The following DCC variants were observed in gnomAD, a reference collection of about 807,000 sequenced individuals.
DCC encodes the protein netrin receptor DCC.
A neutral mutation model predicts 172.5 loss-of-function variants in DCC; 58 were observed. The observed-to-expected ratio is 0.34, with a 90% confidence interval of 0.27 to 0.42. DCC has a LOEUF of 0.42. Among genes scored for constraint, DCC ranks in the 10% least tolerant of loss-of-function variants. The pLI is 1.00. For synonymous variants in DCC, 709 were observed against 644.5 expected, an observed-to-expected ratio of 1.10 and a Z score of -1.52; for missense variants, 1,740 against 1,791.0, an observed-to-expected ratio of 0.97 and a Z score of 0.51.
intron 9 of DCC, among the ~76,000 whole-genome samples, chr18:53,200,244 G>C (rs1345149133): frequency 6.6e-6 from 1 of 152,082 alleles, no homozygotes; most frequent in Non-Finnish European, 1.5e-5. Flanking sequence ...GTGCCCACAG[G>C]CTCACATGCA....
At chr18:53,167,017 A>C (rs930652672) in intron 8 of DCC, among the ~76,000 whole-genome samples, 5 of 152,164 alleles carry the variant, frequency 3.3e-5, no homozygotes, top group Non-Finnish European at 7.3e-5. Flanking sequence ...ATAATGAATG[A>C]AAGTAGAAGA....
intron 1 of DCC, among the ~76,000 whole-genome samples, chr18:52,449,577 G>A (rs1382098067): frequency 6.6e-6 from 1 of 152,136 alleles, no homozygotes; most frequent in African/African-American, 2.4e-5. Context: ...ATGACACTTG[G>A]GCTGGCAAAA....
intron 12 of DCC, among the ~76,000 whole-genome samples, chr18:53,235,195 G>T (rs2064530931): frequency 6.6e-6 from 1 of 152,078 alleles, no homozygotes; most frequent in Non-Finnish European, 1.5e-5. Flanking sequence ...AAATGCAATT[G>T]CTATTTTTTA....
intron 1 of DCC, among the ~76,000 whole-genome samples, chr18:52,571,320 A>C (rs1250180542): frequency 6.6e-6 from 1 of 152,004 alleles, no homozygotes; most frequent in African/African-American, 2.4e-5. Context: ...GGGTGGGGGA[A>C]TCACCCTATA....
chr18:53,135,326 C>T (rs2043723893), intron 7 of DCC, among the ~76,000 whole-genome samples: 1 of 152,000 alleles, frequency 6.6e-6, no homozygotes, highest in African/African-American at 2.4e-5. Context: ...GAAATAAGAG[C>T]ATGGGAAATC....
chr18:52,538,814 T>A (rs1192692856), intron 1 of DCC, among the ~76,000 whole-genome samples: 2 of 152,204 alleles, frequency 1.3e-5, no homozygotes, highest in Admixed American at 6.5e-5. Flanking sequence ...GCAGCAGAAG[T>A]TATCTGTTCT....
intron 1 of DCC, among the ~76,000 whole-genome samples, chr18:52,722,676 C>A (rs2036490781): frequency 6.6e-6 from 1 of 152,132 alleles, no homozygotes; most frequent in Admixed American, 6.6e-5. Flanking sequence ...TCCATTTCTT[C>A]TTTTTGAGGA....
At chr18:53,007,662 C>A in intron 5 of DCC, among the ~76,000 whole-genome samples, 1 of 152,010 alleles carries the variant, frequency 6.6e-6, no homozygotes, top group South Asian at 2.1e-4. Flanking sequence ...ATTACACAAA[C>A]TACACATTTA....
At chr18:53,468,074 A>G in intron 25 of DCC, 64 bp downstream of exon 25, 1 of 862,434 alleles carries the variant, frequency 1.2e-6, no homozygotes, top group Non-Finnish European at 2.0e-6. Flanking sequence ...TTTTCTATAA[A>G]AAATCAAATT....
intron 1 of DCC, among the ~76,000 whole-genome samples, chr18:52,364,825 T>C (rs1280838784): frequency 4.6e-5 from 7 of 152,176 alleles, no homozygotes; most frequent in Non-Finnish European, 1.0e-4. Context: ...TCAGTGGCCA[T>C]TGTCTTTCAT....
intron 1 of DCC, among the ~76,000 whole-genome samples, chr18:52,592,210 T>C (rs2033815565): frequency 6.6e-6 from 1 of 152,220 alleles, no homozygotes; most frequent in African/African-American, 2.4e-5. Context: ...AGTTCACATC[T>C]GGAATTGTAA....
intron 5 of DCC, among the ~76,000 whole-genome samples, chr18:53,055,100 T>C (rs1049279203): frequency 2.6e-5 from 4 of 152,118 alleles, no homozygotes; most frequent in African/African-American, 7.2e-5. Context: ...ACTACACTTA[T>C]GCCTGGTCAT....
At chr18:53,150,919 T>G (rs1039115985) in intron 7 of DCC, among the ~76,000 whole-genome samples, 1 of 152,268 alleles carries the variant, frequency 6.6e-6, no homozygotes, top group South Asian at 2.1e-4. Flanking sequence ...CTTCAGGCCC[T>G]GTCATGCTGA....
At chr18:52,399,377 T>A (rs945674540) in intron 1 of DCC, among the ~76,000 whole-genome samples, 1 of 151,900 alleles carries the variant, frequency 6.6e-6, no homozygotes, top group Non-Finnish European at 1.5e-5. Context: ...GCCACCATTA[T>A]AAGCAGATAA....
intron 14 of DCC, among the ~76,000 whole-genome samples, chr18:53,338,528 G>C (rs1420835713): frequency 1.3e-5 from 2 of 152,210 alleles, no homozygotes; most frequent in Non-Finnish European, 2.9e-5. Context: ...TTGAACCCAG[G>C]AGGCGGAGGT....
At chr18:52,906,366 C>T (rs1438236207) in intron 3 of DCC, 38 bp downstream of exon 3, 4 of 1,606,248 alleles carry the variant, frequency 2.5e-6, no homozygotes, top group Non-Finnish European at 2.6e-6. Context: ...GAATGATATT[C>T]TCTGGAATAA....
At chr18:52,368,547 T>C (rs1005949012) in intron 1 of DCC, among the ~76,000 whole-genome samples, 1 of 152,174 alleles carries the variant, frequency 6.6e-6, no homozygotes, top group African/African-American at 2.4e-5. Context: ...ACACAGCGGG[T>C]ACTGAGAAAG....
chr18:52,592,909 T>A (rs1204906167), intron 1 of DCC, among the ~76,000 whole-genome samples: 1 of 152,090 alleles, frequency 6.6e-6, no homozygotes, highest in Non-Finnish European at 1.5e-5. Flanking sequence ...CCTCCCGAAG[T>A]GCTAGGATTA....
At chr18:52,713,618 C>G (rs2036331956) in intron 1 of DCC, among the ~76,000 whole-genome samples, 1 of 152,124 alleles carries the variant, frequency 6.6e-6, no homozygotes, top group Non-Finnish European at 1.5e-5. Flanking sequence ...TTAATTGCAT[C>G]CGTGATTGAG....
Sources: allele counts gnomAD v4.1 joint callset (sites outside exome capture counted in the v4.1 genomes callset), GRCh38; gene constraint gnomAD v4.1.1; transcripts MANE v1.5; gene names NCBI Gene and HGNC (gene_info 2026-07-23, HGNC 2026-07-21).